The following SLC35F3 variants were observed in gnomAD, a reference collection of about 807,000 sequenced individuals.
The protein encoded by SLC35F3 is putative thiamine transporter SLC35F3.
Under a neutral mutation model 49.9 loss-of-function variants are expected in SLC35F3, and 25 were observed. The observed-to-expected ratio is 0.50, with a 90% CI of 0.37 to 0.70. The LOEUF is 0.70. Ranked by LOEUF, SLC35F3 falls within the 30% of genes least tolerant of loss-of-function variation. The probability of loss-of-function intolerance (pLI) is 0.00; values close to 1 mark genes in which losing one functional copy is unlikely to be tolerated. For missense variants in SLC35F3, 525 were observed against 639.8 expected, an observed-to-expected ratio of 0.82 and a Z score of 1.94; for synonymous variants, 275 against 265.4, an observed-to-expected ratio of 1.04 and a Z score of -0.35.
At chr1:233,993,858 A>G (rs926048230) in intron 2 of SLC35F3, among the ~76,000 whole-genome samples, 2 of 152,176 alleles carry the variant, frequency 1.3e-5, no homozygotes, top group African/African-American at 4.8e-5. Context: ...ATGGTCCCTA[A>G]TTGTACCTCT....
intron 2 of SLC35F3, among the ~76,000 whole-genome samples, chr1:234,013,603 A>G (rs189356620): frequency 3.4e-4 from 52 of 152,178 alleles, no homozygotes; most frequent in Non-Finnish European, 6.2e-4. Flanking sequence ...AGCTAGGCTA[A>G]GAAGAAAAGA....
At chr1:234,255,559 T>G (rs1344925407) in intron 3 of SLC35F3, among the ~76,000 whole-genome samples, 1 of 152,226 alleles carries the variant, frequency 6.6e-6, no homozygotes, top group Non-Finnish European at 1.5e-5. Flanking sequence ...CACAGATATT[T>G]ATAGCAGCTT....
intron 2 of SLC35F3, among the ~76,000 whole-genome samples, chr1:234,104,939 G>C (rs1558230475): frequency 6.6e-6 from 1 of 152,172 alleles, no homozygotes; most frequent in East Asian, 1.9e-4. Flanking sequence ...GACCAGCCTG[G>C]CCAACATGGT....
chr1:234,236,925 T>TTATATATATATATATATATATA (rs55846915), intron 3 of SLC35F3, among the ~76,000 whole-genome samples: 6 of 96,292 alleles, frequency 6.2e-5, no homozygotes, highest in Non-Finnish European at 1.2e-4. Flanking sequence ...AAAAAAAAAA[T>TTATATATATATATATATATATA]TATATATATA....
At chr1:234,084,968 G>T (rs1429092941) in intron 2 of SLC35F3, among the ~76,000 whole-genome samples, 1 of 152,184 alleles carries the variant, frequency 6.6e-6, no homozygotes, top group Non-Finnish European at 1.5e-5. Context: ...AAGGAATGAA[G>T]TACTGATGTG....
At chr1:234,114,415 T>C (rs967120025) in intron 2 of SLC35F3, among the ~76,000 whole-genome samples, 1 of 152,222 alleles carries the variant, frequency 6.6e-6, no homozygotes, top group Non-Finnish European at 1.5e-5. Flanking sequence ...ACATTTCCAA[T>C]ATGGCTGATT....
At chr1:234,193,645 G>C (rs1666762491) in intron 2 of SLC35F3, among the ~76,000 whole-genome samples, 1 of 152,202 alleles carries the variant, frequency 6.6e-6, no homozygotes, top group Non-Finnish European at 1.5e-5. Context: ...AGAGTCAGCA[G>C]AGTAAAGAGA....
chr1:234,296,023 CA>C, intron 3 of SLC35F3, among the ~76,000 whole-genome samples: 1 of 152,324 alleles, frequency 6.6e-6, no homozygotes, highest in Middle Eastern at 3.4e-3. Flanking sequence ...TAGTGAAACT[CA>C]AACCAATCAT....
At chr1:234,108,761 AAATATATATATC>A (rs1558231861) in intron 2 of SLC35F3, among the ~76,000 whole-genome samples, 3 of 101,616 alleles carry the variant, frequency 3.0e-5, no homozygotes, top group Non-Finnish European at 4.0e-5. Flanking sequence ...AGATATATAT[AAATATATATATC>A]TTTTATATAT....
chr1:234,025,145 T>A (rs1663958564), intron 2 of SLC35F3, among the ~76,000 whole-genome samples: 1 of 152,238 alleles, frequency 6.6e-6, no homozygotes, highest in Non-Finnish European at 1.5e-5. Flanking sequence ...GCAAAGTACA[T>A]GATTTTGTTC....
At chr1:234,037,002 AT>A (rs1664152591) in intron 2 of SLC35F3, among the ~76,000 whole-genome samples, 9 of 152,252 alleles carry the variant, frequency 5.9e-5, no homozygotes, top group Admixed American at 5.9e-4. Flanking sequence ...CTAAGGACTC[AT>A]TAACTTCACA....
chr1:234,161,312 A>G (rs1241063409), intron 2 of SLC35F3, among the ~76,000 whole-genome samples: 1 of 152,178 alleles, frequency 6.6e-6, no homozygotes, highest in Non-Finnish European at 1.5e-5. Context: ...CTTGCTCGAG[A>G]TCAAATTGGT....
chr1:233,976,511 G>T (rs933718275), intron 2 of SLC35F3, among the ~76,000 whole-genome samples: 1 of 152,146 alleles, frequency 6.6e-6, no homozygotes, highest in African/African-American at 2.4e-5. Flanking sequence ...TTTTCTCAGT[G>T]TGTGTCCTAT....
At chr1:234,097,700 G>C (rs1665145168) in intron 2 of SLC35F3, among the ~76,000 whole-genome samples, 1 of 152,194 alleles carries the variant, frequency 6.6e-6, no homozygotes. Context: ...AAGACCTGGT[G>C]ACTGGATTTG....
chr1:233,955,345 C>G lies in SLC35F3; in HGVS notation c.283+49587C>G, dbSNP rs192342776. 1.1e-3 allele frequency among the ~76,000 whole-genome samples: 161 copies of G among 152,242 alleles called. 2 individuals are homozygous for G. Among genetic ancestry groups the G allele is most frequent in the Admixed American group, 7.2e-3 (110 of 15,300 alleles). On this transcript the variant is annotated intron_variant, in intron 2 of 7. Coordinates refer to ENST00000366618, the MANE Select transcript of SLC35F3 (RefSeq NM_173508.4). ...AAATGGACTTCCTTTATCTTTTTCT[C>G]TGAAACTGCTCTTCCTCCCTGCAAC... is the stretch of plus-strand genomic sequence containing the variant.
chr1:234,267,534 G>T (rs1349340817), intron 3 of SLC35F3, among the ~76,000 whole-genome samples: 7 of 149,342 alleles, frequency 4.7e-5, no homozygotes, highest in Middle Eastern at 3.5e-3. Context: ...CCTCCCGGAC[G>T]GGGCGGCTGG....
chr1:234,167,610 G>A (rs1187539819), intron 2 of SLC35F3, among the ~76,000 whole-genome samples: 2 of 152,144 alleles, frequency 1.3e-5, no homozygotes, highest in Non-Finnish European at 2.9e-5. Flanking sequence ...TTTTCAGAGT[G>A]CTTTCATATC....
chr1:234,181,927 G>C (rs549325896), intron 2 of SLC35F3, among the ~76,000 whole-genome samples: 31 of 152,194 alleles, frequency 2.0e-4, no homozygotes, highest in African/African-American at 6.0e-4. Context: ...ATCAGAGATT[G>C]TCCAGTAGTT....
intron 2 of SLC35F3, among the ~76,000 whole-genome samples, chr1:234,000,520 C>T (rs1254046273): frequency 6.6e-6 from 1 of 152,132 alleles, no homozygotes; most frequent in African/African-American, 2.4e-5. Flanking sequence ...CATGGAGGTG[C>T]TCATCATATC....
Sources: allele counts gnomAD v4.1 joint callset (sites outside exome capture counted in the v4.1 genomes callset), GRCh38; gene constraint gnomAD v4.1.1; transcripts MANE v1.5; gene names NCBI Gene and HGNC (gene_info 2026-07-23, HGNC 2026-07-21).